TMTC2: variants seen among roughly 807,000 people sequenced by gnomAD.
The protein encoded by TMTC2 is protein O-mannosyl-transferase TMTC2.
Under a neutral mutation model 82.4 loss-of-function variants are expected in TMTC2, and 43 were observed. That is an observed-to-expected ratio of 0.52 (90% CI 0.41 to 0.67). The LOEUF is 0.67. Ranked by LOEUF, TMTC2 falls within the 30% of genes least tolerant of loss-of-function variation. TMTC2 has a pLI of 0.00. For synonymous variants in TMTC2, 408 were observed against 381.9 expected, an observed-to-expected ratio of 1.07 and a Z score of -0.80; for missense variants, 919 against 1,012.4, an observed-to-expected ratio of 0.91 and a Z score of 1.25.
intron 7 of TMTC2, among the ~76,000 whole-genome samples, chr12:82,977,858 CTG>C (rs907818443): frequency 3.3e-5 from 5 of 151,674 alleles, no homozygotes; most frequent in African/African-American, 1.2e-4. Flanking sequence ...AGACAACAAA[CTG>C]AATACTGATT....
chr12:82,727,556 A>G, intron 1 of TMTC2, among the ~76,000 whole-genome samples: 1 of 151,932 alleles, frequency 6.6e-6, no homozygotes. Flanking sequence ...CCCCATCTCT[A>G]ATAAAAATAC....
At chr12:82,764,383 C>A (rs138546361) in intron 1 of TMTC2, among the ~76,000 whole-genome samples, 257 of 152,276 alleles carry the variant, frequency 1.7e-3, no homozygotes, top group African/African-American at 5.9e-3. Context: ...GGTAATCCAC[C>A]TGCTTTGGCC....
At chr12:82,875,374 G>A (rs965114031) in intron 2 of TMTC2, among the ~76,000 whole-genome samples, 2 of 150,746 alleles carry the variant, frequency 1.3e-5, no homozygotes, top group African/African-American at 2.5e-5. Flanking sequence ...ATATATGTGT[G>A]TATATATATA....
chr12:83,025,029 T>TA, intron 8 of TMTC2, among the ~76,000 whole-genome samples: 1 of 152,074 alleles, frequency 6.6e-6, no homozygotes, highest in Middle Eastern at 3.4e-3. Flanking sequence ...CCGTGTCTAC[T>TA]AAAAAATACA....
intron 8 of TMTC2, among the ~76,000 whole-genome samples, chr12:83,005,318 G>T (rs554650368): frequency 7.2e-6 from 1 of 138,924 alleles, no homozygotes; most frequent in South Asian, 2.3e-4. Context: ...AACGCAAGGA[G>T]ACTCTGGTCT....
chr12:83,025,716 T>G (rs1298672915), intron 8 of TMTC2, among the ~76,000 whole-genome samples: 1 of 152,188 alleles, frequency 6.6e-6, no homozygotes, highest in Non-Finnish European at 1.5e-5. Context: ...CTATACAACA[T>G]GACTACAAAT....
rs1165202658 is a variant in TMTC2, at chr12:83,132,209, G to A, written c.2332-1G>A. On this transcript the variant is annotated splice_acceptor_variant, in intron 11 of 11. Transcript: ENST00000321196. LOFTEE classifies it high-confidence loss of function. ...TGTTTTCCTTCTTTCTCTTGTTGCA[G>A]TATCCGGCTGCTTTGATGAACCTGG... The A allele has an allele frequency of 1.9e-6, 3 of 1,597,442 alleles. No individual in the cohort carries two copies. Among genetic ancestry groups the A allele is most frequent in the Non-Finnish European group, 1.7e-6 (2 of 1,173,934 alleles).
At chr12:82,814,253 T>C (rs1408810803) in intron 1 of TMTC2, among the ~76,000 whole-genome samples, 1 of 152,140 alleles carries the variant, frequency 6.6e-6, no homozygotes, top group African/African-American at 2.4e-5. Flanking sequence ...TTCAGATGAA[T>C]GACAAAGACT....
intron 4 of TMTC2, among the ~76,000 whole-genome samples, chr12:82,940,256 A>T (rs1352727426): frequency 6.6e-6 from 1 of 151,564 alleles, no homozygotes; most frequent in South Asian, 2.1e-4. Flanking sequence ...ACCTCAGGTG[A>T]TCCGCCCACC....
chr12:82,974,806 G>A (rs1461960415), intron 7 of TMTC2, among the ~76,000 whole-genome samples: 1 of 152,174 alleles, frequency 6.6e-6, no homozygotes, highest in Admixed American at 6.6e-5. Context: ...ACGATCTAGT[G>A]TAATCCACTG....
intron 7 of TMTC2, among the ~76,000 whole-genome samples, chr12:82,968,295 T>G (rs770524310): frequency 7.2e-4 from 110 of 152,268 alleles, no homozygotes; most frequent in South Asian, 4.1e-4. Flanking sequence ...TGCCATTAAA[T>G]TTTTATAAAT....
intron 1 of TMTC2, among the ~76,000 whole-genome samples, chr12:82,808,807 T>G (rs1879359144): frequency 6.6e-6 from 1 of 152,026 alleles, no homozygotes; most frequent in South Asian, 2.1e-4. Flanking sequence ...TACATAATAT[T>G]TTTCTATTCT....
intron 7 of TMTC2, among the ~76,000 whole-genome samples, chr12:82,969,190 G>A (rs1449495962): frequency 1.3e-5 from 2 of 152,132 alleles, no homozygotes; most frequent in African/African-American, 4.8e-5. Context: ...GTCTGTCAGC[G>A]TGTGCTGATT....
intron 3 of TMTC2, among the ~76,000 whole-genome samples, chr12:82,921,086 G>A (rs1450975212): frequency 6.6e-6 from 1 of 151,722 alleles, no homozygotes. Context: ...TACTACTGAG[G>A]GTTTTTTTTT....
At chr12:82,937,746 G>GTATATA (rs1876413785) in intron 4 of TMTC2, among the ~76,000 whole-genome samples, 1 of 60,334 alleles carries the variant, frequency 1.7e-5, no homozygotes, top group African/African-American at 8.0e-5. Flanking sequence ...GTGTGTGTGT[G>GTATATA]TGTGTATATA....
At chr12:82,734,316 T>A (rs1006040054) in intron 1 of TMTC2, among the ~76,000 whole-genome samples, 78 of 152,158 alleles carry the variant, frequency 5.1e-4, no homozygotes, top group African/African-American at 1.9e-3. Context: ...CTGGGAAAGA[T>A]CAGTTTCCAA....
intron 1 of TMTC2, among the ~76,000 whole-genome samples, chr12:82,816,458 G>T (rs1345457231): frequency 6.6e-6 from 1 of 152,030 alleles, no homozygotes; most frequent in Non-Finnish European, 1.5e-5. Context: ...TCAGGAGACT[G>T]CCAGGGAGTC....
chr12:82,901,829 GTCTGTGGGCTTTCCCACAGAC>G (rs1565801533), intron 3 of TMTC2, among the ~76,000 whole-genome samples: 1 of 152,082 alleles, frequency 6.6e-6, no homozygotes, highest in African/African-American at 2.4e-5. Flanking sequence ...CTTCCCAGTT[GTCTGTGGGCTTTCCCACAGAC>G]TCAGTTTGCT....
chr12:82,871,560 G>A (rs1872177313), intron 2 of TMTC2, among the ~76,000 whole-genome samples: 2 of 152,050 alleles, frequency 1.3e-5, no homozygotes, highest in East Asian at 1.9e-4. Context: ...TGTGCTAAGT[G>A]CTAATATAAT....
Sources: allele counts gnomAD v4.1 joint callset (sites outside exome capture counted in the v4.1 genomes callset), GRCh38; gene constraint gnomAD v4.1.1; transcripts MANE v1.5; gene names NCBI Gene and HGNC (gene_info 2026-07-23, HGNC 2026-07-21).